Variants in SLC9A1 observed in about 807,000 individuals in gnomAD.
SLC9A1 encodes the protein solute carrier family 9 member A1, also known as sodium/hydrogen exchanger 1.
In SLC9A1, 22 loss-of-function variants were observed where a neutral mutation model predicts 67.9. The observed-to-expected ratio is 0.32, with a 90% CI of 0.23 to 0.46. SLC9A1 has a LOEUF of 0.46. Among genes scored for constraint, SLC9A1 ranks in the 20% least tolerant of loss-of-function variants. The pLI, the probability that SLC9A1 is intolerant of heterozygous loss-of-function variation, is 1.00. For missense variants in SLC9A1, 686 were observed against 1,094.8 expected (o/e 0.63, Z 5.27); for synonymous variants, 421 against 471.8 (o/e 0.89, Z 1.40).
intron 1 of SLC9A1, among the ~76,000 whole-genome samples, chr1:27,132,319 C>T (rs1396250792): frequency 6.6e-6 from 1 of 152,046 alleles, no homozygotes; most frequent in Non-Finnish European, 1.5e-5. Flanking sequence ...AGAACACTGT[C>T]CCTGAGCACC....
At chr1:27,145,544 C>T (rs1347314626) in intron 1 of SLC9A1, among the ~76,000 whole-genome samples, 2 of 152,182 alleles carry the variant, frequency 1.3e-5, no homozygotes, top group South Asian at 2.1e-4. Flanking sequence ...CTTGTGGGCT[C>T]TAACACACAG....
At chr1:27,128,154 G>A (rs575275930) in intron 1 of SLC9A1, among the ~76,000 whole-genome samples, 3 of 152,324 alleles carry the variant, frequency 2.0e-5, no homozygotes, top group East Asian at 1.9e-4. Flanking sequence ...AGCGGGCAGC[G>A]TAAAGAGCTC....
At chr1:27,132,074 G>A (rs2083390211) in intron 1 of SLC9A1, among the ~76,000 whole-genome samples, 1 of 150,758 alleles carries the variant, frequency 6.6e-6, no homozygotes. Context: ...GGAAACTGAG[G>A]CTCAGAGAGG....
intron 3 of SLC9A1, 143 bp from the exon 4 acceptor site, chr1:27,108,008 C>T (rs2083201596): frequency 3.2e-6 from 2 of 629,056 alleles, no homozygotes; most frequent in East Asian, 2.8e-5. Context: ...GTGTGCTTTA[C>T]ACCCTCTTGC....
Position 27,101,873 on chromosome 1 carries a change from G to T in SLC9A1, c.1936-47C>A. ...GGCAGTGCGGGCCCCGGAAGGCTCT[G>T]CTCATGGAGGGGTGGGGGCAGTGCT... On this transcript the variant is annotated intron_variant, in intron 9 of 11. Transcript: ENST00000263980. This position sits in a 1 kb window ranked among gnomAD's most constrained non-coding sequence, Gnocchi z 4.9. 1 of 1,507,726 alleles carries T rather than the reference G, an allele frequency of 6.6e-7. No individual in the cohort carries two copies. The allele number at this position is 1,507,726 out of a possible 1,614,324, so 93.4% of individuals were successfully genotyped here.
chr1:27,109,178 G>A lies in SLC9A1; in HGVS notation c.1064+349C>T, dbSNP rs2083209910. ...TGAGACAATGAAGTAGCAGGGCTGT[G>A]GCTTTCCTCAACCTGAAGCTTAGTG... On this transcript the variant is annotated intron_variant, in intron 3 of 11. Coordinates refer to ENST00000263980, the MANE Select transcript of SLC9A1 (RefSeq NM_003047.5). This position sits in a 1 kb window ranked among gnomAD's most constrained non-coding sequence, Gnocchi z 5.5. Among the ~76,000 whole-genome samples the A allele has an allele frequency of 6.6e-6, 1 of 152,090 alleles. No homozygotes were observed. The highest frequency in any genetic ancestry group is 6.5e-5 in the Admixed American group (1 of 15,280).
At chr1:27,130,902 G>A (rs1474006692) in intron 1 of SLC9A1, among the ~76,000 whole-genome samples, 1 of 152,188 alleles carries the variant, frequency 6.6e-6, no homozygotes, top group Non-Finnish European at 1.5e-5. Flanking sequence ...GAGCACAAAG[G>A]GCCAAGGGCT....
At chr1:27,128,732 C>T (rs1278883822) in intron 1 of SLC9A1, among the ~76,000 whole-genome samples, 1 of 150,692 alleles carries the variant, frequency 6.6e-6, no homozygotes, top group African/African-American at 2.4e-5. Context: ...CCAAGGCGGG[C>T]GGATCACCTG....
intron 1 of SLC9A1, among the ~76,000 whole-genome samples, chr1:27,141,887 G>A (rs894818773): frequency 1.3e-5 from 2 of 152,170 alleles, no homozygotes; most frequent in African/African-American, 4.8e-5. Flanking sequence ...CTTATTCCCT[G>A]GCTTGATGGC....
intron 5 of SLC9A1, 80 bp from the exon 6 acceptor site, chr1:27,103,392 G>A: frequency 1.0e-6 from 1 of 972,252 alleles, no homozygotes; most frequent in Non-Finnish European, 1.7e-6. Flanking sequence ...CCTCACCCCA[G>A]GCCCCCAAGG....
At chr1:27,117,686 G>A (rs2083280506) in intron 1 of SLC9A1, among the ~76,000 whole-genome samples, 1 of 152,164 alleles carries the variant, frequency 6.6e-6, no homozygotes, top group African/African-American at 2.4e-5. Context: ...ATCTCATTCA[G>A]TCCTCACCAC....
At chr1:27,150,086 T>G (rs150823966) in intron 1 of SLC9A1, among the ~76,000 whole-genome samples, 1 of 152,318 alleles carries the variant, frequency 6.6e-6, no homozygotes, top group East Asian at 1.9e-4. Flanking sequence ...TGAGACAGTT[T>G]CAAGGTGACC....
In SLC9A1 at chr1:27,131,661, T is replaced by C. The variant is rs185084172; in HGVS notation, c.353-17375A>G. 3.5e-4 allele frequency among the ~76,000 whole-genome samples: 53 copies of C among 150,120 alleles called. No homozygotes were observed. The East Asian group carries it at 0.01, about 29-fold the overall frequency. ...TACTCAGAAGGCTGGGGCAGGAGAA[T>C]TGCTTGAACCCAGGAGGTGGAGTTG... On this transcript the variant is annotated intron_variant, in intron 1 of 11. Coordinates refer to ENST00000263980, the MANE Select transcript of SLC9A1 (RefSeq NM_003047.5).
intron 1 of SLC9A1, among the ~76,000 whole-genome samples, chr1:27,149,219 C>A (rs1190569174): frequency 6.6e-6 from 1 of 152,180 alleles, no homozygotes; most frequent in Non-Finnish European, 1.5e-5. Flanking sequence ...CAGTGCAGGG[C>A]CATGTGCATC....
Position 27,109,640 on chromosome 1 carries a change from G to A in SLC9A1, c.951C>T (p.Ala317=). The A allele has an allele frequency of 6.2e-7, 1 of 1,613,900 alleles. No individual in the cohort carries two copies. The highest frequency in any genetic ancestry group is 8.5e-7 in the Non-Finnish European group (1 of 1,179,964). Residue 317 remains alanine, a synonymous_variant, in exon 3 of 12, where the codon GCC becomes GCT. Transcript: ENST00000263980. This position sits in a 1 kb window ranked among gnomAD's most constrained non-coding sequence, Gnocchi z 5.5. ...LVGVVYGVIA[A]FTSRFTSHIR... is the part of the protein sequence containing the mutation. Reference sequence around the variant, plus strand: ...TGTGGGAGGTAAATCGGGAGGTGAAGGCTGCGATGACCCCGTAGACCACGC... The same window carrying A: ...TGTGGGAGGTAAATCGGGAGGTGAAAGCTGCGATGACCCCGTAGACCACGC...
chr1:27,105,182 TC>T (rs2083175123), intron 5 of SLC9A1, among the ~76,000 whole-genome samples: 1 of 152,148 alleles, frequency 6.6e-6, no homozygotes, highest in Non-Finnish European at 1.5e-5. Context: ...GTGATATTAT[TC>T]CCATTTTACA....
rs755414999 is a variant in SLC9A1, at chr1:27,100,279, G to C, written c.*28C>G. On this transcript the variant is annotated 3_prime_UTR_variant, in exon 12 of 12. Coordinates refer to ENST00000263980, the MANE Select transcript of SLC9A1 (RefSeq NM_003047.5). This position sits in a 1 kb window ranked among gnomAD's most constrained non-coding sequence, Gnocchi z 5.6. ...TGCTCTGGTGGAAGAGTCTGTGAGG[G>C]GACAGGCGCTGCCTGCTGGCCCTGG... The C allele has an allele frequency of 6.8e-7, 1 of 1,479,224 alleles. No individual in the cohort carries two copies. The highest frequency in any genetic ancestry group is 1.9e-4 in the Middle Eastern group (1 of 5,352). The allele number at this position is 1,479,224 out of a possible 1,614,324, so 91.6% of individuals were successfully genotyped here. A position where few individuals can be genotyped will look rare whatever the true frequency, so the allele number is the denominator to read the frequency against.
Position 27,114,627 on chromosome 1 carries a change from C to T in SLC9A1, c.353-341G>A, listed in dbSNP as rs914184927. Among the ~76,000 whole-genome samples the T allele has an allele frequency of 3.3e-5, 5 of 152,146 alleles. No homozygotes were observed. Among genetic ancestry groups the T allele is most frequent in the African/African-American group, 4.8e-5 (2 of 41,424 alleles). On this transcript the variant is annotated intron_variant, in intron 1 of 11. Coordinates refer to ENST00000263980, the MANE Select transcript of SLC9A1 (RefSeq NM_003047.5). This position sits in a 1 kb window ranked among gnomAD's most constrained non-coding sequence, Gnocchi z 5.4. ...GCAGAAATTATAAATTGATTACTGA[C>T]GTGCCAAGTACCTACGGGCATCACC...
Position 27,100,935 on chromosome 1 carries a change from G to A in SLC9A1, c.2110+268C>T, listed in dbSNP as rs535981935. The stretch of plus-strand genomic sequence containing the variant: ...GGCCCTGCCCTCACGTTCCCCACAC[G>A]TGTTGGGGGTCTCGATGGGGCAGAT... On this transcript the variant is annotated intron_variant, in intron 11 of 11. Transcript: ENST00000263980. The surrounding 1 kb of genome is among the most constrained non-coding windows in gnomAD (Gnocchi z 5.6). Among the ~76,000 whole-genome samples the A allele has an allele frequency of 5.9e-5, 9 of 152,310 alleles. No individual in the cohort carries two copies. Among genetic ancestry groups the A allele is most frequent in the Non-Finnish European group, 1.0e-4 (7 of 68,018 alleles).
Sources: allele counts gnomAD v4.1 joint callset (sites outside exome capture counted in the v4.1 genomes callset), GRCh38; gene constraint gnomAD v4.1.1; non-coding constraint Gnocchi (gnomAD v3.1); transcripts MANE v1.5; gene names NCBI Gene and HGNC (gene_info 2026-07-23, HGNC 2026-07-21).